Variants in KMT2A observed in about 807,000 individuals in gnomAD.
KMT2A encodes the protein lysine methyltransferase 2A.
KMT2A carries 16 observed loss-of-function variants against 345.3 expected under a neutral mutation model. The ratio of observed to expected loss-of-function variants is 0.05; its 90% CI spans 0.03 to 0.07. KMT2A has a LOEUF of 0.07. Among genes scored for constraint, KMT2A ranks in the 10% least tolerant of loss-of-function variants. The pLI is 1.00. For missense variants in KMT2A, 3,272 were observed against 4,841.6 expected, an observed-to-expected ratio of 0.68 and a Z score of 9.62; for synonymous variants, 1,599 against 1,778.6, an observed-to-expected ratio of 0.90 and a Z score of 2.54.
At position 118,491,141 on chromosome 11, in the gene KMT2A, T is replaced by TA. The variant is rs1280748999; in HGVS notation, c.4697-50dup. On this transcript the variant is annotated intron_variant, in intron 13 of 35. Transcript: ENST00000534358. The surrounding 1 kb of genome is among the most constrained non-coding windows in gnomAD (Gnocchi z 4.2). ...GTTGGTAAATGCAAGTCGAGGGCCG[T>TA]AAAAACACGGGTATGTGAGCCAAAG... is the stretch of plus-strand genomic sequence containing the variant. 4 of 1,593,422 alleles carry TA rather than the reference T, an allele frequency of 2.5e-6. No individual in the cohort carries two copies. The highest frequency in any genetic ancestry group is 3.4e-6 in the Non-Finnish European group (4 of 1,170,456).
In KMT2A at chr11:118,507,615, C is replaced by A; in HGVS notation, c.10835+6C>A. 2 of 1,608,962 alleles carry A rather than the reference C, an allele frequency of 1.2e-6. No individual in the cohort carries two copies. Among genetic ancestry groups the A allele is most frequent in the Non-Finnish European group, 1.7e-6 (2 of 1,175,302 alleles). On this transcript the variant is annotated splice_donor_region_variant and intron_variant, in intron 28 of 35. Transcript: ENST00000534358. Reference sequence around the variant, plus strand: ...GAGTGTGGGCAACCTGCAGGGTAAGCTGAAGAATTCGTCTTTTAAGACTAA... The same window carrying A: ...GAGTGTGGGCAACCTGCAGGGTAAGATGAAGAATTCGTCTTTTAAGACTAA...
rs562027971 is a variant in KMT2A at position 118,505,434 on chromosome 11, G to T, written c.9542G>T (p.Ser3181Ile). The T allele has an allele frequency of 6.2e-7, 1 of 1,614,094 alleles. No homozygotes were observed. The highest frequency in any genetic ancestry group is 1.1e-5 in the South Asian group (1 of 91,080). Reference protein sequence around the residue: ...ATQSSFPPNISNPPSGLLIGV... With the variant: ...ATQSSFPPNIINPPSGLLIGV... ...CAAAGTAGTTTCCCACCAAACATCA[G>T]CAATCCTCCTTCAGGCCTGCTTATT... The change falls in exon 27 of 36, where the codon AGC (serine) becomes ATC (isoleucine). Residue 3181 changes from serine (S) to isoleucine (I), a missense_variant. By Grantham distance (142) the Ser-to-Ile change is moderately radical (BLOSUM62 -2). Around this residue, in one of 27 missense-constraint regions of KMT2A, gnomAD observed 748 missense variants for 922.2 expected, o/e 0.81. Transcript: ENST00000534358. This position sits in a 1 kb window ranked among gnomAD's most constrained non-coding sequence, Gnocchi z 4.6.
chr11:118,508,386 A>G (rs1788187274), intron 28 of KMT2A, among the ~76,000 whole-genome samples: 1 of 152,114 alleles, frequency 6.6e-6, no homozygotes, highest in East Asian at 1.9e-4. Flanking sequence ...CAATATTTTA[A>G]TGAGTCCTCT....
intron 1 of KMT2A, among the ~76,000 whole-genome samples, chr11:118,458,541 T>G (rs1949689822): frequency 6.6e-6 from 1 of 152,234 alleles, no homozygotes; most frequent in African/African-American, 2.4e-5. Flanking sequence ...ATTTATTGGG[T>G]GCCAAATTTG....
Position 118,502,424 on chromosome 11 carries a change from A to C in KMT2A, c.6532A>C (p.Ile2178Leu). 1 of 1,605,972 alleles carries C rather than the reference A, an allele frequency of 6.2e-7. No homozygotes were observed. The highest frequency in any genetic ancestry group is 1.7e-5 in the Admixed American group (1 of 58,790). ...AAGTCCTACCCCAACCACTCATGAA[A>C]TAGTCACAGTAGGTGATCCTTTACT... ...AGSPTPTTHE[I>L]VTVGDPLLSS... Residue 2178 changes from isoleucine to leucine, a missense_variant, in exon 27 of 36, where the codon ATA becomes CTA. By Grantham distance (5) the Ile-to-Leu change is conservative (BLOSUM62 2). Coordinates refer to ENST00000534358, the MANE Select transcript of KMT2A (RefSeq NM_001197104.2). The surrounding 1 kb of genome is among the most constrained non-coding windows in gnomAD (Gnocchi z 4.9).
At chr11:118,437,219 CG>C (rs1443480870) in intron 1 of KMT2A, among the ~76,000 whole-genome samples, 1 of 151,854 alleles carries the variant, frequency 6.6e-6, no homozygotes, top group Non-Finnish European at 1.5e-5. Flanking sequence ...ACCCCCTCGC[CG>C]GGGTTTCCCA....
chr11:118,520,966 C>T lies in KMT2A; in HGVS notation c.11513+81C>T, dbSNP rs936997375. ...AAAGCAGACCAAATGCTGGAGTGAC[C>T]TTCCTCACTCAGTAAGTGAGGATTT... is the stretch of plus-strand genomic sequence containing the variant. On this transcript the variant is annotated intron_variant, in intron 34 of 35. Transcript: ENST00000534358. This position sits in a 1 kb window ranked among gnomAD's most constrained non-coding sequence, Gnocchi z 4.3. The T allele has an allele frequency of 1.2e-5, 12 of 1,020,004 alleles. No homozygotes were observed. The highest frequency in any genetic ancestry group is 1.0e-4 in the South Asian group (8 of 77,210). 63.2% of individuals were successfully genotyped at this position (1,020,004 alleles called of 1,614,324 possible). A position where few individuals can be genotyped will look rare whatever the true frequency, so the allele number is the denominator to read the frequency against.
At chr11:118,489,428 C>T (rs1555041878) in intron 11 of KMT2A, among the ~76,000 whole-genome samples, 1 of 152,020 alleles carries the variant, frequency 6.6e-6, no homozygotes, top group African/African-American at 2.4e-5. Context: ...TTCTGTCTTC[C>T]AGTTAAGATT....
chr11:118,520,768 A>T lies in KMT2A; in HGVS notation c.11430-34A>T, dbSNP rs1950947920. The T allele has an allele frequency of 2.0e-6, 3 of 1,525,680 alleles. No homozygotes were observed. The highest frequency in any genetic ancestry group is 1.8e-6 in the Non-Finnish European group (2 of 1,099,624). 94.5% of individuals were successfully genotyped at this position (1,525,680 alleles called of 1,614,324 possible). A position where few individuals can be genotyped will look rare whatever the true frequency, so the allele number is the denominator to read the frequency against. On this transcript the variant is annotated intron_variant, in intron 33 of 35. Coordinates refer to ENST00000534358, the MANE Select transcript of KMT2A (RefSeq NM_001197104.2). The surrounding 1 kb of genome is among the most constrained non-coding windows in gnomAD (Gnocchi z 4.3). ...CAAGACTCAAAACATTATTTCCTGA[A>T]AAAAATTCGTTAATAGTATGTCTTA...
chr11:118,475,663 C>G (rs2134278468), intron 3 of KMT2A, among the ~76,000 whole-genome samples: 1 of 152,106 alleles, frequency 6.6e-6, no homozygotes, highest in Non-Finnish European at 1.5e-5. Context: ...GCGGAGGTTG[C>G]AGTGAGCCGA....
At position 118,502,294 on chromosome 11, in the gene KMT2A, T is replaced by A; in HGVS notation, c.6506-104T>A. On this transcript the variant is annotated intron_variant, in intron 26 of 35. Coordinates refer to ENST00000534358, the MANE Select transcript of KMT2A (RefSeq NM_001197104.2). The surrounding 1 kb of genome is among the most constrained non-coding windows in gnomAD (Gnocchi z 4.9). ...ATAAATAGAAAATGTAGATTTCCAGTTACCTATAAATATATATATATATAG... is the reference window on the plus strand; with the variant it reads ...ATAAATAGAAAATGTAGATTTCCAGATACCTATAAATATATATATATATAG... The A allele has an allele frequency of 1.6e-6, 1 of 620,450 alleles. No homozygotes were observed. 38.4% of individuals were successfully genotyped at this position (620,450 alleles called of 1,614,324 possible).
intron 29 of KMT2A, among the ~76,000 whole-genome samples, chr11:118,509,585 G>A (rs1156952921): frequency 1.3e-5 from 2 of 151,986 alleles, no homozygotes; most frequent in East Asian, 3.8e-4. Flanking sequence ...CATCTCCATG[G>A]CATTTTCCAT....
rs9332783 is a variant in KMT2A at position 118,476,939 on chromosome 11, A to G, written c.3291A>G (p.Pro1097=). The change falls in exon 4 of 36, where the codon CCA becomes CCG. Residue 1097 remains proline, a synonymous_variant. Coordinates refer to ENST00000534358, the MANE Select transcript of KMT2A (RefSeq NM_001197104.2). The surrounding 1 kb of genome is among the most constrained non-coding windows in gnomAD (Gnocchi z 4.1). ...ACATGCCCACCCTGAGTGCCTTACC[A>G]TGGGAAGAACGAGAAAAGATTTTGT... ...PDDMPTLSAL[P]WEEREKILSS... is the part of the protein sequence containing the mutation. 10,170 of 1,614,180 alleles carry G rather than the reference A, an allele frequency of 6.3e-3. 47 individuals are homozygous for G. The highest frequency in any genetic ancestry group is 7.7e-3 in the Non-Finnish European group (9,122 of 1,180,022).
chr11:118,525,078 G>A lies in KMT2A; in HGVS notation c.*2906G>A, dbSNP rs1951053183. ...CAGCAACTTGGGGGAATAAGCGAAG[G>A]TTTCCCTACAAGAGGGAAAGAAGGC... On this transcript the variant is annotated 3_prime_UTR_variant, in exon 36 of 36. Transcript: ENST00000534358. 1 of 218,134 alleles carries A rather than the reference G, an allele frequency of 4.6e-6. No homozygotes were observed. The highest frequency in any genetic ancestry group is 2.3e-5 in the African/African-American group (1 of 44,428). 13.5% of individuals were successfully genotyped at this position (218,134 alleles called of 1,614,324 possible). A position where few individuals can be genotyped will look rare whatever the true frequency, so the allele number is the denominator to read the frequency against.
intron 1 of KMT2A, among the ~76,000 whole-genome samples, chr11:118,438,270 C>T (rs1214310925): frequency 2.6e-5 from 4 of 152,092 alleles, no homozygotes; most frequent in Non-Finnish European, 5.9e-5. Context: ...AGCGTTGCCC[C>T]TTCCCCATTA....
At chr11:118,440,072 T>C (rs1555139736) in intron 1 of KMT2A, among the ~76,000 whole-genome samples, 1 of 152,206 alleles carries the variant, frequency 6.6e-6, no homozygotes, top group Non-Finnish European at 1.5e-5. Flanking sequence ...TCTGGATTCA[T>C]GAAGAAATGG....
rs2135296383 is a variant in KMT2A, at chr11:118,521,542, A to G, written c.11643+125A>G. The G allele has an allele frequency of 8.3e-7, 1 of 1,203,656 alleles. No homozygotes were observed. Among genetic ancestry groups the G allele is most frequent in the East Asian group, 2.5e-5 (1 of 39,514 alleles). 74.6% of individuals were successfully genotyped at this position (1,203,656 alleles called of 1,614,324 possible). A position where few individuals can be genotyped will look rare whatever the true frequency, so the allele number is the denominator to read the frequency against. ...TCAGAGACCTTTCTTAAAAAAATAA[A>G]CTCTGAAATTTGTGAGGGGCCCAGT... On this transcript the variant is annotated intron_variant, in intron 35 of 35. Coordinates refer to ENST00000534358, the MANE Select transcript of KMT2A (RefSeq NM_001197104.2). This position sits in a 1 kb window ranked among gnomAD's most constrained non-coding sequence, Gnocchi z 5.3.
In KMT2A at chr11:118,506,407, C is replaced by T; in HGVS notation, c.10515C>T (p.Ser3505=). 2 of 1,614,186 alleles carry T rather than the reference C, an allele frequency of 1.2e-6. No homozygotes were observed. The highest frequency in any genetic ancestry group is 4.5e-5 in the East Asian group (2 of 44,894). ...SMGLEQNKAL[S]SAVQASPTSP... ...GACTGGAGCAGAACAAGGCTTTATCCTCAGCTGTGCAAGCCAGCCCCACCT... is the reference window on the plus strand; with the variant it reads ...GACTGGAGCAGAACAAGGCTTTATCTTCAGCTGTGCAAGCCAGCCCCACCT... Residue 3505 remains serine, a synonymous_variant, in exon 27 of 36, where the codon TCC becomes TCT. Transcript: ENST00000534358.
intron 1 of KMT2A, chr11:118,439,006 A>G (rs1555139484): frequency 2.0e-6 from 1 of 492,574 alleles, no homozygotes; most frequent in African/African-American, 2.0e-5. Flanking sequence ...TTGAAAGGCC[A>G]ATTCTGTATT....
Sources: gnomAD v4.1 joint callset for allele counts (sites outside exome capture counted in the v4.1 genomes callset) on GRCh38, gnomAD v4.1.1 for gene constraint, gnomAD v4.1.1 regional missense constraint, Gnocchi (gnomAD v3.1) non-coding constraint, MANE v1.5 for transcripts, NCBI Gene and HGNC (gene_info 2026-07-23, HGNC 2026-07-21) for gene names.